Variants in ABCF2 observed in about 807,000 individuals in gnomAD.
ABCF2 encodes ATP-binding cassette sub-family F member 2.
Under a neutral mutation model 76.9 loss-of-function variants are expected in ABCF2, and 37 were observed. The observed-to-expected ratio is 0.48, with a 90% confidence interval of 0.37 to 0.63. The LOEUF (loss-of-function observed/expected upper bound fraction) is 0.63. Ranked by LOEUF, ABCF2 falls within the 30% of genes least tolerant of loss-of-function variation. The pLI is 0.00. For synonymous variants in ABCF2, 299 were observed against 283.7 expected, an observed-to-expected ratio of 1.05 and a Z score of -0.54; for missense variants, 524 against 782.1, an observed-to-expected ratio of 0.67 and a Z score of 3.94.
chr7:151,224,089 A>G lies in ABCF2; in HGVS notation c.393T>C (p.Ile131=). ...CAGGGATGGGCACTTCACGCTTCCCAATAGCAGAGAGCAGCATGGACTTTC... is the reference window on the plus strand; with the variant it reads ...CAGGGATGGGCACTTCACGCTTCCCGATAGCAGAGAGCAGCATGGACTTTC... The part of the protein sequence containing the change: ...GIGKSMLLSA[I]GKREVPIPEH... Residue 131 remains isoleucine, a synonymous_variant, in exon 4 of 15, where the codon ATT becomes ATC. Transcript: ENST00000287844. 1 of 1,614,184 alleles carries G rather than the reference A, an allele frequency of 6.2e-7. No homozygotes were observed. Among genetic ancestry groups the G allele is most frequent in the Non-Finnish European group, 8.5e-7 (1 of 1,180,022 alleles).
Position 151,213,701 on chromosome 7 carries a change from T to A in ABCF2, c.*353A>T. 3.8e-6 allele frequency: 4 copies of A among 1,064,074 alleles called. No homozygotes were observed. Among genetic ancestry groups the A allele is most frequent in the Non-Finnish European group, 4.5e-6 (4 of 882,338 alleles). The allele number at this position is 1,064,074 out of a possible 1,614,324, so 65.9% of individuals were successfully genotyped here. ...ATCACCAAAACCCAGAAAACGAGGA[T>A]CCTAAGCTCCTCCGCAGGCCAAATC... is the stretch of plus-strand genomic sequence containing the variant. On this transcript the variant is annotated 3_prime_UTR_variant, in exon 15 of 15. Coordinates refer to ENST00000287844, the MANE Select transcript of ABCF2 (RefSeq NM_007189.3).
At position 151,214,981 on chromosome 7, in the gene ABCF2, G is replaced by C; in HGVS notation, c.1632C>G (p.Thr544=). 2 of 1,614,218 alleles carry C rather than the reference G, an allele frequency of 1.2e-6. No homozygotes were observed. The highest frequency in any genetic ancestry group is 8.5e-7 in the Non-Finnish European group (1 of 1,180,050). Residue 544 remains threonine (T), a synonymous_variant, in exon 14 of 15, where the codon ACC becomes ACG. Coordinates refer to ENST00000287844, the MANE Select transcript of ABCF2 (RefSeq NM_007189.3). The surrounding 1 kb of genome is among the most constrained non-coding windows in gnomAD (Gnocchi z 4.9). ...CGATGGTCTCGATATCCAGGTGATTGGTGGGTTCATCCAGGAAGAGCATGT... is the reference window on the plus strand; with the variant it reads ...CGATGGTCTCGATATCCAGGTGATTCGTGGGTTCATCCAGGAAGAGCATGT... ...NPHMLFLDEP[T]NHLDIETIDA...
At chr7:151,220,301 G>C (rs1802240630) in intron 7 of ABCF2, among the ~76,000 whole-genome samples, 1 of 146,766 alleles carries the variant, frequency 6.8e-6, no homozygotes, top group Non-Finnish European at 1.5e-5. Context: ...AGGCAGGAGA[G>C]TCCCTTGAAC....
intron 7 of ABCF2, among the ~76,000 whole-genome samples, chr7:151,219,666 C>G (rs866894241): frequency 6.6e-6 from 1 of 152,186 alleles, no homozygotes; most frequent in African/African-American, 2.4e-5. Flanking sequence ...CCAGAAAGGG[C>G]CTAACAAGTT....
rs1274998649 is a variant in ABCF2, at chr7:151,218,747, A to G, written c.1137+7T>C. On this transcript the variant is annotated splice_region_variant and intron_variant, in intron 9 of 14. Coordinates refer to ENST00000287844, the MANE Select transcript of ABCF2 (RefSeq NM_007189.3). ...ACCCAATCACACCCCACCCAATCAC[A>G]CCCCACCTTATCGCTCACGACCCTC... 2.5e-6 allele frequency: 4 copies of G among 1,610,630 alleles called. No individual in the cohort carries two copies. In the South Asian group the frequency reaches 4.4e-5, roughly 18 times the overall value.
chr7:151,226,535 A>C, intron 1 of ABCF2, 35 bp from the exon 2 acceptor site: 1 of 1,468,440 alleles, frequency 6.8e-7, no homozygotes, highest in Non-Finnish European at 9.2e-7. Context: ...CCAAACCCTA[A>C]ACTTACTAGT....
chr7:151,212,209 T>TG lies in ABCF2; in HGVS notation c.*1844dup. 1.0e-6 allele frequency: 1 copy of TG among 985,410 alleles called. No homozygotes were observed. The highest frequency in any genetic ancestry group is 1.2e-6 in the Non-Finnish European group (1 of 829,916). The allele number at this position is 985,410 out of a possible 1,614,324, so 61.0% of individuals were successfully genotyped here. A position where few individuals can be genotyped will look rare whatever the true frequency, so the allele number is the denominator to read the frequency against. On this transcript the variant is annotated 3_prime_UTR_variant, in exon 15 of 15. Transcript: ENST00000287844. Reference sequence around the variant, plus strand: ...TCATGGCTGTGTCTTCCCATAGGGATGGCTGATTTCAGAGGCAGAGTGATG... The same window carrying TG: ...TCATGGCTGTGTCTTCCCATAGGGATGGGCTGATTTCAGAGGCAGAGTGATG...
chr7:151,226,553 C>T (rs1447227510), intron 1 of ABCF2, 53 bp from the exon 2 acceptor site: 3 of 1,314,794 alleles, frequency 2.3e-6, no homozygotes, highest in South Asian at 1.4e-5. Context: ...AGTAAGAATG[C>T]CTGGGCCCTG....
rs1802117523 is a variant in ABCF2 at position 151,214,799 on chromosome 7, T to G, written c.1734+80A>C. On this transcript the variant is annotated intron_variant, in intron 14 of 14. Coordinates refer to ENST00000287844, the MANE Select transcript of ABCF2 (RefSeq NM_007189.3). This position sits in a 1 kb window ranked among gnomAD's most constrained non-coding sequence, Gnocchi z 4.9. ...CTCTTAATTCAGTAGGCGGGTATTA[T>G]GCACCCTCCACATGCCATGACTACC... 1.5e-6 allele frequency: 2 copies of G among 1,368,508 alleles called. No individual in the cohort carries two copies. The highest frequency in any genetic ancestry group is 1.4e-5 in the African/African-American group (1 of 70,126). The allele number at this position is 1,368,508 out of a possible 1,614,324, so 84.8% of individuals were successfully genotyped here.
intron 3 of ABCF2, 133 bp from the exon 4 acceptor site, chr7:151,224,247 G>A (rs1165375688): frequency 2.4e-5 from 20 of 832,972 alleles, no homozygotes; most frequent in South Asian, 8.6e-5. Context: ...CCCTTCATTC[G>A]TTCAAATCTT....
At chr7:151,226,559 C>T in intron 1 of ABCF2, 59 bp from the exon 2 acceptor site, 1 of 1,261,998 alleles carries the variant, frequency 7.9e-7, no homozygotes, top group East Asian at 2.5e-5. Context: ...AATGCCTGGG[C>T]CCTGCTCCAT....
chr7:151,213,704 T>C lies in ABCF2; in HGVS notation c.*350A>G. ...ACCAAAACCCAGAAAACGAGGATCCTAAGCTCCTCCGCAGGCCAAATCCAG... is the reference window on the plus strand; with the variant it reads ...ACCAAAACCCAGAAAACGAGGATCCCAAGCTCCTCCGCAGGCCAAATCCAG... On this transcript the variant is annotated 3_prime_UTR_variant, in exon 15 of 15. Coordinates refer to ENST00000287844, the MANE Select transcript of ABCF2 (RefSeq NM_007189.3). 1.9e-6 allele frequency: 2 copies of C among 1,068,434 alleles called. No individual in the cohort carries two copies. Among genetic ancestry groups the C allele is most frequent in the Non-Finnish European group, 2.3e-6 (2 of 884,996 alleles). 66.2% of individuals were successfully genotyped at this position (1,068,434 alleles called of 1,614,324 possible).
At position 151,214,197 on chromosome 7, in the gene ABCF2, A is replaced by G; in HGVS notation, c.1735-6T>C. The stretch of plus-strand genomic sequence containing the variant: ...ACCCAAATTTCCTGTGCAACCTAGA[A>G]AGCAAAACCTGGACTTAATCCTGGG... On this transcript the variant is annotated splice_region_variant and splice_polypyrimidine_tract_variant and intron_variant, in intron 14 of 14. Coordinates refer to ENST00000287844, the MANE Select transcript of ABCF2 (RefSeq NM_007189.3). This position sits in a 1 kb window ranked among gnomAD's most constrained non-coding sequence, Gnocchi z 4.9. 1 of 1,614,064 alleles carries G rather than the reference A, an allele frequency of 6.2e-7. No individual in the cohort carries two copies. The highest frequency in any genetic ancestry group is 1.1e-5 in the South Asian group (1 of 91,062).
At chr7:151,224,558 G>A (rs1802336019) in intron 3 of ABCF2, among the ~76,000 whole-genome samples, 1 of 152,212 alleles carries the variant, frequency 6.6e-6, no homozygotes, top group Non-Finnish European at 1.5e-5. Context: ...TCCAAGATCC[G>A]AAACACTTCT....
intron 8 of ABCF2, 25 bp from the exon 9 acceptor site, chr7:151,218,898 G>A (rs1403035549): frequency 6.2e-7 from 1 of 1,612,520 alleles, no homozygotes; most frequent in African/African-American, 1.3e-5. Flanking sequence ...AGAGAGCTTG[G>A]AGTATGTGCA....
In ABCF2 at chr7:151,213,741, C is replaced by T. The variant is rs2150571622; in HGVS notation, c.*313G>A. ...CAGGCCAAATCCAGGGCTTGGGCCC[C>T]TGGGCTAACCCGCAGGTGCCTCTGA... On this transcript the variant is annotated 3_prime_UTR_variant, in exon 15 of 15. Coordinates refer to ENST00000287844, the MANE Select transcript of ABCF2 (RefSeq NM_007189.3). 1 of 1,132,166 alleles carries T rather than the reference C, an allele frequency of 8.8e-7. No homozygotes were observed. Among genetic ancestry groups the T allele is most frequent in the South Asian group, 2.8e-5 (1 of 35,346 alleles). The allele number at this position is 1,132,166 out of a possible 1,614,324, so 70.1% of individuals were successfully genotyped here.
chr7:151,215,829 C>A lies in ABCF2; in HGVS notation c.1402-97G>T. On this transcript the variant is annotated intron_variant, in intron 12 of 14. Coordinates refer to ENST00000287844, the MANE Select transcript of ABCF2 (RefSeq NM_007189.3). The surrounding 1 kb of genome is among the most constrained non-coding windows in gnomAD (Gnocchi z 4.6). ...CCTATTTCTATCCCAGGCACCTGTTCTGGGTTCAAGAAGCAGGTAGGAGCC... is the reference window on the plus strand; with the variant it reads ...CCTATTTCTATCCCAGGCACCTGTTATGGGTTCAAGAAGCAGGTAGGAGCC... 2 of 1,597,914 alleles carry A rather than the reference C, an allele frequency of 1.3e-6. No homozygotes were observed. The highest frequency in any genetic ancestry group is 1.1e-5 in the South Asian group (1 of 89,648).
chr7:151,223,761 A>G lies in ABCF2; in HGVS notation c.639T>C (p.His213=), dbSNP rs765049266. The part of the protein sequence containing the change: ...KAEMRASRIL[H]GLGFTPAMQR... ...GCATGGCAGGTGTGAAACCCAGTCC[A>G]TGCAAGATCCGCGAGGCCCTCATCT... The change falls in exon 5 of 15, where the codon CAT becomes CAC. Residue 213 remains histidine, a synonymous_variant. Coordinates refer to ENST00000287844, the MANE Select transcript of ABCF2 (RefSeq NM_007189.3). The G allele has an allele frequency of 1.4e-5, 22 of 1,613,788 alleles. No homozygotes were observed. The South Asian group carries it at 2.0e-4, about 15-fold the overall frequency.
chr7:151,226,441 G>C lies in ABCF2; in HGVS notation c.18C>G (p.Ala6=), dbSNP rs763436035. The C allele has an allele frequency of 1.9e-6, 3 of 1,613,816 alleles. No homozygotes were observed. The South Asian group carries it at 3.3e-5, about 18-fold the overall frequency. ...CCTTCTTTTTGGCTGCCTTCTTCTT[G>C]GCCAGGTCGGAGGGCATGATGATGA... is the stretch of plus-strand genomic sequence containing the variant. The part of the protein sequence containing the change: MPSDL[A]KKKAAKKKEA... Residue 6 remains alanine (A), a synonymous_variant, in exon 2 of 15, where the codon GCC becomes GCG. Coordinates refer to ENST00000287844, the MANE Select transcript of ABCF2 (RefSeq NM_007189.3).
Sources: allele counts gnomAD v4.1 joint callset (sites outside exome capture counted in the v4.1 genomes callset), GRCh38; gene constraint gnomAD v4.1.1; non-coding constraint Gnocchi (gnomAD v3.1); transcripts MANE v1.5; gene names NCBI Gene and HGNC (gene_info 2026-07-23, HGNC 2026-07-21).